The following MGAM variants were observed in gnomAD, a reference collection of about 807,000 sequenced individuals.
MGAM encodes the protein maltase-glucoamylase, also known as alpha-1,4-glucosidase.
Under a neutral mutation model 358.8 loss-of-function variants are expected in MGAM, and 253 were observed. The ratio of observed to expected loss-of-function variants is 0.71; its 90% CI spans 0.64 to 0.78. The LOEUF (loss-of-function observed/expected upper bound fraction) is 0.78, where lower values mean the gene tolerates loss of function less well. Ranked by LOEUF, MGAM falls within the 30% of genes least tolerant of loss-of-function variation. MGAM has a pLI of 0.00. For synonymous variants in MGAM, 1,105 were observed against 1,227.1 expected, an observed-to-expected ratio of 0.90 and a Z score of 2.08; for missense variants, 3,080 against 3,432.6, an observed-to-expected ratio of 0.90 and a Z score of 2.57.
Position 142,096,396 on chromosome 7 carries a change from T to C in MGAM, c.7673T>C (p.Val2558Ala), listed in dbSNP as rs1435181435. ...SQFLLGPAFL[V>A]SPVLERNARN... Reference sequence around the variant, plus strand: ...TTCCTGCTGGGCCCAGCCTTCCTGGTCAGCCCTGTCCTGGAGCGTGTGAGT... The same window carrying C: ...TTCCTGCTGGGCCCAGCCTTCCTGGCCAGCCCTGTCCTGGAGCGTGTGAGT... The change falls in exon 65 of 71, where the codon GTC becomes GCC. Residue 2558 changes from valine to alanine, a missense_variant. Val to Ala is a moderately conservative substitution (Grantham distance 64, BLOSUM62 0). Around this residue, in one of 5 missense-constraint regions of MGAM, gnomAD observed 932 missense variants for 1,198.2 expected, o/e 0.78. Transcript: ENST00000475668. The C allele has an allele frequency of 1.2e-6, 2 of 1,613,616 alleles. No homozygotes were observed. The highest frequency in any genetic ancestry group is 1.7e-6 in the Non-Finnish European group (2 of 1,179,714).
chr7:142,021,328 T>C (rs1806438155), intron 5 of MGAM, among the ~76,000 whole-genome samples: 1 of 152,192 alleles, frequency 6.6e-6, no homozygotes, highest in African/African-American at 2.4e-5. Flanking sequence ...AGATAACATG[T>C]GGAATATGGT....
chr7:142,051,070 C>G (rs569900226), intron 24 of MGAM, among the ~76,000 whole-genome samples: 1 of 152,098 alleles, frequency 6.6e-6, no homozygotes, highest in African/African-American at 2.4e-5. Context: ...CTCTGCCTAT[C>G]AGTGTTCCCG....
intron 68 of MGAM, among the ~76,000 whole-genome samples, chr7:142,101,598 T>C (rs1816446720): frequency 6.6e-6 from 1 of 151,688 alleles, no homozygotes; most frequent in African/African-American, 2.4e-5. Flanking sequence ...GACTGAGTGG[T>C]GAGTCATTTA....
intron 21 of MGAM, among the ~76,000 whole-genome samples, chr7:142,041,882 ACG>A (rs1808619550): frequency 4.2e-5 from 3 of 71,114 alleles, no homozygotes; most frequent in East Asian, 2.9e-4. Context: ...TTATATATAT[ACG>A]TATAATATAT....
Position 142,070,846 on chromosome 7 carries a change from G to A in MGAM, c.5062-148G>A, listed in dbSNP as rs1221397000. On this transcript the variant is annotated intron_variant, in intron 43 of 70. Coordinates refer to ENST00000475668, the MANE Select transcript of MGAM (RefSeq NM_001365693.1). ...TGCGAGGTTTTATGCAGCACTGTGC[G>A]AATGCAGAATGGGTAATAGCAGGTA... is the stretch of plus-strand genomic sequence containing the variant. 3.3e-5 allele frequency: 37 copies of A among 1,113,262 alleles called. 3 individuals are homozygous for A. In the Admixed American group the frequency reaches 6.6e-4, roughly 20 times the overall value. 69.0% of individuals were successfully genotyped at this position (1,113,262 alleles called of 1,614,324 possible). A position where few individuals can be genotyped will look rare whatever the true frequency, so the allele number is the denominator to read the frequency against.
chr7:142,071,224 A>G, intron 44 of MGAM, 106 bp downstream of exon 44: 1 of 1,262,478 alleles, frequency 7.9e-7, no homozygotes, highest in South Asian at 1.5e-5. Flanking sequence ...ATGCAATTCT[A>G]CTCAACACTT....
At position 142,058,529 on chromosome 7, in the gene MGAM, G is replaced by C. The variant is rs536691820; in HGVS notation, c.3819+201G>C. On this transcript the variant is annotated intron_variant, in intron 31 of 70. Transcript: ENST00000475668. ...TCCAGAGATGACAGCTCAAGACCCAGCATGACTCGCCAGAGTGGGAGATAG... is the reference window on the plus strand; with the variant it reads ...TCCAGAGATGACAGCTCAAGACCCACCATGACTCGCCAGAGTGGGAGATAG... Among the ~76,000 whole-genome samples the C allele has an allele frequency of 4.6e-5, 7 of 152,326 alleles. No homozygotes were observed. In the South Asian group the frequency reaches 1.4e-3, roughly 32 times the overall value.
chr7:142,038,481 T>C (rs760688093), intron 18 of MGAM, 50 bp from the exon 19 acceptor site: 1 of 1,399,608 alleles, frequency 7.1e-7, no homozygotes. Context: ...CTGCTACAAA[T>C]CTCATTGGCA....
chr7:142,045,964 C>T lies in MGAM; in HGVS notation c.2499-1821C>T, dbSNP rs368961534. Among the ~76,000 whole-genome samples the T allele has an allele frequency of 2.1e-4, 23 of 112,078 alleles. 2 individuals are homozygous for T. Among genetic ancestry groups the T allele is most frequent in the Admixed American group, 7.2e-4 (7 of 9,774 alleles). The allele number at this position is 112,078 out of a possible 152,430, so 73.5% of individuals were successfully genotyped here. A position where few individuals can be genotyped will look rare whatever the true frequency, so the allele number is the denominator to read the frequency against. ...ATGTAATATATATTATGTATACATA[C>T]AATATGTAATATATATTATGTATAC... On this transcript the variant is annotated intron_variant, in intron 21 of 70. Coordinates refer to ENST00000475668, the MANE Select transcript of MGAM (RefSeq NM_001365693.1).
At chr7:142,038,253 A>T (rs1310727174) in intron 18 of MGAM, among the ~76,000 whole-genome samples, 1 of 152,140 alleles carries the variant, frequency 6.6e-6, no homozygotes, top group Non-Finnish European at 1.5e-5. Context: ...TTTAAAAAGG[A>T]GGGCTATGGA....
At chr7:142,043,700 T>C (rs1317569083) in intron 21 of MGAM, among the ~76,000 whole-genome samples, 1 of 137,490 alleles carries the variant, frequency 7.3e-6, no homozygotes. Flanking sequence ...ATATAATACA[T>C]ATATTATATA....
intron 57 of MGAM, among the ~76,000 whole-genome samples, chr7:142,090,396 GCT>G (rs1425302519): frequency 6.9e-6 from 1 of 145,138 alleles, no homozygotes; most frequent in Non-Finnish European, 1.6e-5. Flanking sequence ...CTGATCTGGA[GCT>G]CTCTGTTTCT....
intron 10 of MGAM, 146 bp downstream of exon 10, chr7:142,027,881 T>C: frequency 2.0e-6 from 1 of 503,080 alleles, no homozygotes; most frequent in South Asian, 6.2e-5. Flanking sequence ...TACTAGACAT[T>C]TTTTTTTTTG....
At chr7:142,030,822 G>T in intron 12 of MGAM, 65 bp downstream of exon 12, 1 of 570,016 alleles carries the variant, frequency 1.8e-6, no homozygotes, top group East Asian at 5.1e-5. Context: ...ATGTGTCTGT[G>T]TGTGTGTGTG....
intron 2 of MGAM, among the ~76,000 whole-genome samples, chr7:142,007,573 C>T (rs562821924): frequency 2.0e-5 from 3 of 152,136 alleles, no homozygotes; most frequent in East Asian, 1.9e-4. Flanking sequence ...ATTTGAAACC[C>T]CCAATGAAAA....
At chr7:142,027,270 C>A (rs782668620) in intron 9 of MGAM, 43 bp downstream of exon 9, 3 of 1,449,400 alleles carry the variant, frequency 2.1e-6, no homozygotes, top group Non-Finnish European at 2.9e-6. Flanking sequence ...AAATCCTAAA[C>A]AGCAAATATT....
At position 142,097,664 on chromosome 7, in the gene MGAM, A is replaced by G; in HGVS notation, c.7749+15A>G. On this transcript the variant is annotated intron_variant, in intron 66 of 70. Transcript: ENST00000475668. Reference sequence around the variant, plus strand: ...ATTACTACACGGTAAGTTTTTCTGAATGTTTATACAACACGGGAAAATGGT... The same window carrying G: ...ATTACTACACGGTAAGTTTTTCTGAGTGTTTATACAACACGGGAAAATGGT... 1 of 1,590,394 alleles carries G rather than the reference A, an allele frequency of 6.3e-7. No homozygotes were observed. The highest frequency in any genetic ancestry group is 8.6e-7 in the Non-Finnish European group (1 of 1,159,814).
chr7:142,015,673 T>C (rs1805909374), intron 3 of MGAM, among the ~76,000 whole-genome samples: 1 of 152,066 alleles, frequency 6.6e-6, no homozygotes. Context: ...CTTGAATTGT[T>C]AGAACCTCCA....
chr7:142,075,400 C>T lies in MGAM; in HGVS notation c.5276-803C>T, dbSNP rs1207307864. Among the ~76,000 whole-genome samples the T allele has an allele frequency of 3.4e-5, 5 of 146,208 alleles. 1 individual carries two copies. The highest frequency in any genetic ancestry group is 7.8e-5 in the Non-Finnish European group (5 of 64,514). On this transcript the variant is annotated intron_variant, in intron 45 of 70. Coordinates refer to ENST00000475668, the MANE Select transcript of MGAM (RefSeq NM_001365693.1). ...TGGCAATGACTTTTTGGATATGATACCAAAAGCAAAGGCAAAATGCCAAAA... is the reference window on the plus strand; with the variant it reads ...TGGCAATGACTTTTTGGATATGATATCAAAAGCAAAGGCAAAATGCCAAAA...
Sources: gnomAD v4.1 joint callset for allele counts (sites outside exome capture counted in the v4.1 genomes callset) on GRCh38, gnomAD v4.1.1 for gene constraint, gnomAD v4.1.1 regional missense constraint, MANE v1.5 for transcripts, NCBI Gene and HGNC (gene_info 2026-07-23, HGNC 2026-07-21) for gene names.